RCOR3: variants seen among roughly 807,000 people sequenced by gnomAD.
RCOR3 encodes REST corepressor 3.
In RCOR3, 13 loss-of-function variants were observed where a neutral mutation model predicts 64.1. That is an observed-to-expected ratio of 0.20 (90% CI 0.13 to 0.32). The LOEUF (loss-of-function observed/expected upper bound fraction) is 0.32, where lower values mean the gene tolerates loss of function less well. RCOR3 is among the 10% of genes least tolerant of loss of function. The probability of loss-of-function intolerance (pLI) is 1.00; values close to 1 mark genes in which losing one functional copy is unlikely to be tolerated. For synonymous variants in RCOR3, 215 were observed against 239.0 expected (o/e 0.90, Z 0.93); for missense variants, 489 against 701.2 (o/e 0.70, Z 3.42).
chr1:211,266,951 G>A (rs906143891), intron 2 of RCOR3, among the ~76,000 whole-genome samples: 1 of 152,172 alleles, frequency 6.6e-6, no homozygotes, highest in Non-Finnish European at 1.5e-5. Context: ...GGTGAGAGAG[G>A]ACATCAGCCG....
chr1:211,292,936 T>G (rs1376155148), intron 8 of RCOR3, among the ~76,000 whole-genome samples: 2 of 151,926 alleles, frequency 1.3e-5, no homozygotes, highest in Non-Finnish European at 2.9e-5. Flanking sequence ...CTACAAAAAT[T>G]AGCCAGGCAT....
chr1:211,286,550 G>A (rs1453412834), intron 7 of RCOR3, among the ~76,000 whole-genome samples: 2 of 151,950 alleles, frequency 1.3e-5, no homozygotes, highest in East Asian at 3.9e-4. Context: ...CTCGTGATCC[G>A]CCCCCCTCGG....
At chr1:211,279,437 T>G in intron 7 of RCOR3, 121 bp downstream of exon 7, 1 of 661,846 alleles carries the variant, frequency 1.5e-6, no homozygotes, top group South Asian at 2.2e-5. Context: ...TAAATTTCAG[T>G]GTTAATTAGC....
At chr1:211,296,626 T>G (rs1699886816) in intron 9 of RCOR3, among the ~76,000 whole-genome samples, 3 of 152,244 alleles carry the variant, frequency 2.0e-5, no homozygotes, top group Middle Eastern at 3.4e-3. Context: ...CATCAGTGTC[T>G]TTCAGAAAGG....
At chr1:211,266,813 G>A (rs940081911) in intron 2 of RCOR3, among the ~76,000 whole-genome samples, 3 of 152,240 alleles carry the variant, frequency 2.0e-5, no homozygotes, top group African/African-American at 7.2e-5. Context: ...AGTGTCCCAA[G>A]AGGTAGATAA....
In RCOR3 at chr1:211,307,296, C is replaced by T. The variant is rs537869140; in HGVS notation, c.1075+3156C>T. On this transcript the variant is annotated intron_variant, in intron 10 of 11. Coordinates refer to ENST00000419091, the MANE Select transcript of RCOR3 (RefSeq NM_001136223.3). Reference sequence around the variant, plus strand: ...TTGAGGCCAGGAGTTCAAGACCAGCCTGGCAACATGGTGAAACCCCATCTT... The same window carrying T: ...TTGAGGCCAGGAGTTCAAGACCAGCTTGGCAACATGGTGAAACCCCATCTT... 1.6e-3 allele frequency among the ~76,000 whole-genome samples: 249 copies of T among 152,132 alleles called. 1 individual carries two copies. Among genetic ancestry groups the T allele is most frequent in the African/African-American group, 5.8e-3 (242 of 41,508 alleles).
At chr1:211,270,066 CTTTTTT>C (rs11390047) in intron 2 of RCOR3, among the ~76,000 whole-genome samples, 1 of 144,656 alleles carries the variant, frequency 6.9e-6, no homozygotes, top group Non-Finnish European at 1.5e-5. Flanking sequence ...TTTATCTTGA[CTTTTTT>C]TTTTTTTTGA....
chr1:211,300,996 A>G (rs1297106494), intron 9 of RCOR3, among the ~76,000 whole-genome samples: 1 of 151,722 alleles, frequency 6.6e-6, no homozygotes, highest in Non-Finnish European at 1.5e-5. Flanking sequence ...CTAGTGGTCC[A>G]CTCCAATGCT....
intron 9 of RCOR3, among the ~76,000 whole-genome samples, chr1:211,298,054 T>C (rs939914249): frequency 2.6e-5 from 4 of 152,206 alleles, no homozygotes; most frequent in African/African-American, 9.6e-5. Context: ...CAAGTATTTA[T>C]TGATTAACTG....
intron 8 of RCOR3, among the ~76,000 whole-genome samples, chr1:211,292,201 T>C (rs1205055488): frequency 6.6e-6 from 1 of 152,238 alleles, no homozygotes; most frequent in African/African-American, 2.4e-5. Flanking sequence ...TTTCTTTCAC[T>C]TGACTTTGTG....
chr1:211,282,593 G>A (rs1697970432), intron 7 of RCOR3, among the ~76,000 whole-genome samples: 1 of 151,822 alleles, frequency 6.6e-6, no homozygotes, highest in East Asian at 1.9e-4. Context: ...CCTCCACCTG[G>A]GCTCAAGCAA....
At chr1:211,294,615 A>T (rs1185266326) in intron 8 of RCOR3, among the ~76,000 whole-genome samples, 1 of 106,400 alleles carries the variant, frequency 9.4e-6, no homozygotes, top group African/African-American at 3.8e-5. Flanking sequence ...TTTGAGACGG[A>T]GTCTCGCTGT....
At chr1:211,263,142 G>C (rs1694651370) in intron 2 of RCOR3, among the ~76,000 whole-genome samples, 1 of 150,234 alleles carries the variant, frequency 6.7e-6, no homozygotes, top group African/African-American at 2.4e-5. Context: ...TTGTCCTTGC[G>C]ATAGTTTACT....
chr1:211,264,904 T>C (rs935334667), intron 2 of RCOR3, among the ~76,000 whole-genome samples: 4 of 152,230 alleles, frequency 2.6e-5, no homozygotes, highest in African/African-American at 4.8e-5. Flanking sequence ...ACTTACATCA[T>C]GAGGAACAAT....
chr1:211,313,398 G>A lies in RCOR3; in HGVS notation c.1318-26G>A, dbSNP rs192396800. ...GTTCATTAGGACTTACATCTCATAC[G>A]TGTATTTTTGTTTCCTCACCTCTAG... On this transcript the variant is annotated intron_variant, in intron 11 of 11. Transcript: ENST00000419091. This position sits in a 1 kb window ranked among gnomAD's most constrained non-coding sequence, Gnocchi z 4.7. 3.7e-5 allele frequency: 59 copies of A among 1,595,838 alleles called. No homozygotes were observed. Among genetic ancestry groups the A allele is most frequent in the Non-Finnish European group, 3.5e-5 (41 of 1,168,758 alleles).
chr1:211,295,025 A>G (rs1699711891), intron 8 of RCOR3, among the ~76,000 whole-genome samples: 1 of 147,502 alleles, frequency 6.8e-6, no homozygotes, highest in Non-Finnish European at 1.5e-5. Flanking sequence ...CTACAGGTTC[A>G]TGCCACCATG....
chr1:211,278,094 A>G (rs984713530), intron 5 of RCOR3, 23 bp from the exon 6 acceptor site: 4 of 1,573,118 alleles, frequency 2.5e-6, no homozygotes, highest in African/African-American at 1.4e-5. Flanking sequence ...AAACTTGCTG[A>G]TATTAACATG....
rs369011529 is a variant in RCOR3 at position 211,313,397 on chromosome 1, C to T, written c.1318-27C>T. 18 of 1,594,528 alleles carry T rather than the reference C, an allele frequency of 1.1e-5. No individual in the cohort carries two copies. In the East Asian group the frequency reaches 1.3e-4, roughly 12 times the overall value. On this transcript the variant is annotated intron_variant, in intron 11 of 11. Coordinates refer to ENST00000419091, the MANE Select transcript of RCOR3 (RefSeq NM_001136223.3). This position sits in a 1 kb window ranked among gnomAD's most constrained non-coding sequence, Gnocchi z 4.7. ...AGTTCATTAGGACTTACATCTCATACGTGTATTTTTGTTTCCTCACCTCTA... is the reference window on the plus strand; with the variant it reads ...AGTTCATTAGGACTTACATCTCATATGTGTATTTTTGTTTCCTCACCTCTA...
chr1:211,281,608 C>T (rs536825270), intron 7 of RCOR3, among the ~76,000 whole-genome samples: 1 of 152,264 alleles, frequency 6.6e-6, no homozygotes, highest in South Asian at 2.1e-4. Context: ...CCTTACCCTT[C>T]CCCATTTATT....
Sources: allele counts gnomAD v4.1 joint callset (sites outside exome capture counted in the v4.1 genomes callset), GRCh38; gene constraint gnomAD v4.1.1; non-coding constraint Gnocchi (gnomAD v3.1); transcripts MANE v1.5; gene names NCBI Gene and HGNC (gene_info 2026-07-23, HGNC 2026-07-21).